DCAF10: variants seen among roughly 807,000 people sequenced by gnomAD.
DCAF10 encodes DDB1 and CUL4 associated factor 10, also known as DDB1- and CUL4-associated factor 10.
A neutral mutation model predicts 51.9 loss-of-function variants in DCAF10; 19 were observed. The observed-to-expected ratio is 0.37, with a 90% CI of 0.26 to 0.54. The LOEUF (loss-of-function observed/expected upper bound fraction) is 0.54, where lower values mean the gene tolerates loss of function less well. Ranked by LOEUF, DCAF10 falls within the 20% of genes least tolerant of loss-of-function variation. DCAF10 has a pLI of 0.87. For synonymous variants in DCAF10, 291 were observed against 297.1 expected, an observed-to-expected ratio of 0.98 and a Z score of 0.21; for missense variants, 510 against 730.6, an observed-to-expected ratio of 0.70 and a Z score of 3.48.
chr9:37,812,127 C>T (rs1829366413), intron 1 of DCAF10, among the ~76,000 whole-genome samples: 3 of 151,946 alleles, frequency 2.0e-5, no homozygotes, highest in Admixed American at 2.0e-4. Context: ...CTGCAGTGAG[C>T]TGAGATTGCG....
At chr9:37,827,687 T>G (rs1189285456) in intron 2 of DCAF10, among the ~76,000 whole-genome samples, 1 of 152,200 alleles carries the variant, frequency 6.6e-6, no homozygotes, top group African/African-American at 2.4e-5. Flanking sequence ...GACCTTGAGC[T>G]TCTGTTTTGA....
chr9:37,823,949 C>T (rs1829780880), intron 2 of DCAF10, among the ~76,000 whole-genome samples: 1 of 144,392 alleles, frequency 6.9e-6, no homozygotes, highest in East Asian at 2.1e-4. Context: ...GGCGTGATCT[C>T]AGCTCACTGC....
At position 37,861,757 on chromosome 9, in the gene DCAF10, C is replaced by G. The variant is rs907816226; in HGVS notation, c.*249C>G. The G allele has an allele frequency of 1.3e-5, 5 of 393,060 alleles. No homozygotes were observed. Among genetic ancestry groups the G allele is most frequent in the Admixed American group, 4.0e-5 (1 of 25,202 alleles). 24.3% of individuals were successfully genotyped at this position (393,060 alleles called of 1,614,324 possible). On this transcript the variant is annotated 3_prime_UTR_variant, in exon 7 of 7. Coordinates refer to ENST00000377724, the MANE Select transcript of DCAF10 (RefSeq NM_024345.5). This position sits in a 1 kb window ranked among gnomAD's most constrained non-coding sequence, Gnocchi z 4.9. ...GCTCCTGCTGATCTGTGCCACTGAA[C>G]TCCAGTTCTTCTGGTCATTTTGCAT...
rs397893920 is a variant in DCAF10, at chr9:37,826,820, C to CTTTTTTT, written c.653+7435_653+7441dup. Among the ~76,000 whole-genome samples, 2 of 123,814 alleles carry CTTTTTTT rather than the reference C, an allele frequency of 1.6e-5. 1 individual carries two copies. 81.2% of individuals were successfully genotyped at this position (123,814 alleles called of 152,430 possible). A position where few individuals can be genotyped will look rare whatever the true frequency, so the allele number is the denominator to read the frequency against. Reference sequence around the variant, plus strand: ...AACATACACCCAAATACCACAATACCTTTTTTTTTTTTTTTTTTTTTTGAG... The same window carrying CTTTTTTT: ...AACATACACCCAAATACCACAATACCTTTTTTTTTTTTTTTTTTTTTTTTTTTTTGAG... On this transcript the variant is annotated intron_variant, in intron 2 of 6. Transcript: ENST00000377724.
intron 3 of DCAF10, among the ~76,000 whole-genome samples, chr9:37,846,834 T>A (rs1177501811): frequency 6.6e-6 from 1 of 152,126 alleles, no homozygotes; most frequent in Non-Finnish European, 1.5e-5. Context: ...TACCAAATAT[T>A]TACATAGTAA....
chr9:37,814,934 C>T (rs765035871), intron 1 of DCAF10, among the ~76,000 whole-genome samples: 5 of 152,064 alleles, frequency 3.3e-5, no homozygotes, highest in Non-Finnish European at 7.4e-5. Context: ...CATGCAATTT[C>T]GCTGAAGAAT....
chr9:37,837,461 A>C (rs1369350707), intron 2 of DCAF10, among the ~76,000 whole-genome samples: 1 of 99,494 alleles, frequency 1.0e-5, no homozygotes, highest in East Asian at 2.2e-4. Context: ...CCATCTCAAA[A>C]AAAAAAAAAA....
intron 1 of DCAF10, among the ~76,000 whole-genome samples, chr9:37,804,691 G>A (rs755234506): frequency 3.3e-5 from 5 of 151,644 alleles, no homozygotes; most frequent in Non-Finnish European, 5.9e-5. Context: ...CAGGAGAATC[G>A]CTTGAACTTG....
At position 37,865,478 on chromosome 9, in the gene DCAF10, T is replaced by A. The variant is rs1285603126; in HGVS notation, c.*3970T>A. ...CACTTAAGAGTAAAATCTAATCTGA[T>A]GTTTTTTACTCTGAATTTTATTCAG... On this transcript the variant is annotated 3_prime_UTR_variant, in exon 7 of 7. Coordinates refer to ENST00000377724, the MANE Select transcript of DCAF10 (RefSeq NM_024345.5). 5.9e-5 allele frequency: 9 copies of A among 152,226 alleles called. No individual in the cohort carries two copies. Among genetic ancestry groups the A allele is most frequent in the African/African-American group, 1.9e-4 (8 of 41,464 alleles). 9.4% of individuals were successfully genotyped at this position (152,226 alleles called of 1,614,324 possible).
chr9:37,856,203 G>A (rs542155413), intron 4 of DCAF10, among the ~76,000 whole-genome samples: 6 of 152,252 alleles, frequency 3.9e-5, no homozygotes, highest in African/African-American at 1.4e-4. Flanking sequence ...CTTGTGCACA[G>A]GACCACTTCT....
At chr9:37,838,038 T>G (rs1341861703) in intron 2 of DCAF10, among the ~76,000 whole-genome samples, 1 of 151,562 alleles carries the variant, frequency 6.6e-6, no homozygotes, top group Admixed American at 6.6e-5. Flanking sequence ...AAAAAAAAAT[T>G]AAAATTTTGA....
intron 1 of DCAF10, among the ~76,000 whole-genome samples, chr9:37,807,102 T>G (rs898277350): frequency 6.6e-6 from 1 of 152,216 alleles, no homozygotes; most frequent in Non-Finnish European, 1.5e-5. Flanking sequence ...GCTAAAAACA[T>G]TTTAAAATAT....
At chr9:37,854,652 T>C (rs971968852) in intron 3 of DCAF10, 128 bp from the exon 4 acceptor site, 6 of 765,468 alleles carry the variant, frequency 7.8e-6, no homozygotes, top group Non-Finnish European at 1.3e-5. Flanking sequence ...TAATTGTAAT[T>C]TTGAGCCCAT....
intron 2 of DCAF10, among the ~76,000 whole-genome samples, chr9:37,840,524 T>A (rs1830301030): frequency 6.6e-6 from 1 of 152,206 alleles, no homozygotes; most frequent in Non-Finnish European, 1.5e-5. Context: ...AATAAGGCTA[T>A]AAAGAAAGAA....
At position 37,863,360 on chromosome 9, in the gene DCAF10, C is replaced by T. The variant is rs1022977702; in HGVS notation, c.*1852C>T. Reference sequence around the variant, plus strand: ...AAAAAAAAAAAAAAATTCTTCTCTACCCATTTGGGCTTAAGACAATTCCCA... The same window carrying T: ...AAAAAAAAAAAAAAATTCTTCTCTATCCATTTGGGCTTAAGACAATTCCCA... On this transcript the variant is annotated 3_prime_UTR_variant, in exon 7 of 7. Transcript: ENST00000377724. 2 of 142,286 alleles carry T rather than the reference C, an allele frequency of 1.4e-5. No individual in the cohort carries two copies. Among genetic ancestry groups the T allele is most frequent in the African/African-American group, 5.0e-5 (2 of 39,918 alleles). 8.8% of individuals were successfully genotyped at this position (142,286 alleles called of 1,614,324 possible).
intron 6 of DCAF10, among the ~76,000 whole-genome samples, chr9:37,860,776 G>A (rs1830991859): frequency 1.3e-5 from 2 of 152,160 alleles, no homozygotes; most frequent in Non-Finnish European, 2.9e-5. Flanking sequence ...GAAGAGAAGA[G>A]CCTTTGAATT....
Position 37,857,259 on chromosome 9 carries a change from G to C in DCAF10, c.1073G>C (p.Ser358Thr). The part of the protein sequence containing the change: ...TSSSDLTTSS[S>T]SSGPRVSGSP... ...TTTTAAGATTTGACCACTTCATCAAGTTCATCTGGTCCTAGAGTTTCTGGC... is the reference window on the plus strand; with the variant it reads ...TTTTAAGATTTGACCACTTCATCAACTTCATCTGGTCCTAGAGTTTCTGGC... The change falls in exon 5 of 7, where the codon AGT becomes ACT. Residue 358 changes from serine to threonine, a missense_variant. Ser to Thr is a moderately conservative substitution (Grantham distance 58, BLOSUM62 1). Transcript: ENST00000377724. The C allele has an allele frequency of 6.2e-7, 1 of 1,600,228 alleles. No homozygotes were observed. Among genetic ancestry groups the C allele is most frequent in the Non-Finnish European group, 8.5e-7 (1 of 1,175,522 alleles).
intron 1 of DCAF10, among the ~76,000 whole-genome samples, chr9:37,810,834 A>G (rs1459908997): frequency 6.6e-6 from 1 of 152,038 alleles, no homozygotes; most frequent in Non-Finnish European, 1.5e-5. Flanking sequence ...AGGATCCGCA[A>G]TTTAGGTTTG....
Position 37,866,971 on chromosome 9 carries a change from G to A in DCAF10, c.*5463G>A, listed in dbSNP as rs1831149195. On this transcript the variant is annotated 3_prime_UTR_variant, in exon 7 of 7. Transcript: ENST00000377724. ...TTTGTCAATAACCATTAAAACATAGGCTTAAATTATCACGTATTGTTACAA... is the reference window on the plus strand; with the variant it reads ...TTTGTCAATAACCATTAAAACATAGACTTAAATTATCACGTATTGTTACAA... 6.6e-6 allele frequency: 1 copy of A among 152,022 alleles called. No individual in the cohort carries two copies. The highest frequency in any genetic ancestry group is 2.1e-4 in the South Asian group (1 of 4,826). The allele number at this position is 152,022 out of a possible 1,614,324, so 9.4% of individuals were successfully genotyped here.
Sources: allele counts gnomAD v4.1 joint callset (sites outside exome capture counted in the v4.1 genomes callset), GRCh38; gene constraint gnomAD v4.1.1; non-coding constraint Gnocchi (gnomAD v3.1); transcripts MANE v1.5; gene names NCBI Gene and HGNC (gene_info 2026-07-23, HGNC 2026-07-21).